Variants in SCN4B observed in about 807,000 individuals in gnomAD.
SCN4B encodes the protein sodium channel regulatory subunit beta-4.
A neutral mutation model predicts 19.6 loss-of-function variants in SCN4B; 20 were observed. That is an observed-to-expected ratio of 1.02 (90% CI 0.72 to 1.48). The LOEUF (loss-of-function observed/expected upper bound fraction) is 1.48, where lower values mean the gene tolerates loss of function less well. Ranked by LOEUF, SCN4B falls within the 40% of genes most tolerant of loss-of-function variation. The pLI is 0.00. For missense variants in SCN4B, 271 were observed against 287.5 expected, an observed-to-expected ratio of 0.94 and a Z score of 0.42; for synonymous variants, 127 against 122.8, an observed-to-expected ratio of 1.03 and a Z score of -0.22.
Position 118,135,800 on chromosome 11 carries a change from C to T in SCN4B, c.*1227G>A. On this transcript the variant is annotated 3_prime_UTR_variant, in exon 5 of 5. Transcript: ENST00000324727. The stretch of plus-strand genomic sequence containing the variant: ...TCAGGACTAAGGCACATTCTAGCCC[C>T]ACACACAAGGGCTGTGCAAACCAGC... The T allele has an allele frequency of 2.2e-6, 1 of 454,512 alleles. No homozygotes were observed. Among genetic ancestry groups the T allele is most frequent in the South Asian group, 1.6e-5 (1 of 64,480 alleles). The allele number at this position is 454,512 out of a possible 1,614,324, so 28.2% of individuals were successfully genotyped here.
chr11:118,137,398 C>T (rs570565364), intron 4 of SCN4B, among the ~76,000 whole-genome samples: 1 of 152,276 alleles, frequency 6.6e-6, no homozygotes, highest in Admixed American at 6.5e-5. Context: ...TGGCCAGGTG[C>T]GGTGGCTCAC....
intron 4 of SCN4B, among the ~76,000 whole-genome samples, chr11:118,138,962 C>G (rs922542906): frequency 6.6e-6 from 1 of 152,136 alleles, no homozygotes; most frequent in African/African-American, 2.4e-5. Flanking sequence ...AAGGACCTCC[C>G]TCAGGCTTCC....
Position 118,135,622 on chromosome 11 carries a change from C to G in SCN4B, c.*1405G>C. On this transcript the variant is annotated 3_prime_UTR_variant, in exon 5 of 5. Coordinates refer to ENST00000324727, the MANE Select transcript of SCN4B (RefSeq NM_174934.4). ...CCCAATGGGAGCACCTGGCCGACAT[C>G]TCCAAGATTCAGTCACTGGCCAATT... 1 of 454,258 alleles carries G rather than the reference C, an allele frequency of 2.2e-6. No homozygotes were observed. Among genetic ancestry groups the G allele is most frequent in the Non-Finnish European group, 4.4e-6 (1 of 226,796 alleles). 28.1% of individuals were successfully genotyped at this position (454,258 alleles called of 1,614,324 possible).
At position 118,136,095 on chromosome 11, in the gene SCN4B, GGGA is replaced by G. The variant is rs780800329; in HGVS notation, c.*929_*931del. The G allele has an allele frequency of 2.2e-6, 1 of 449,572 alleles. No individual in the cohort carries two copies. The highest frequency in any genetic ancestry group is 2.4e-5 in the Admixed American group (1 of 42,362). The allele number at this position is 449,572 out of a possible 1,614,324, so 27.8% of individuals were successfully genotyped here. ...AGGGTGCAGCCTCTCAGGTAGGAGG[GGGA>G]GAAGCAGGGGAGAGCTGGGCTCAGG... On this transcript the variant is annotated 3_prime_UTR_variant, in exon 5 of 5. Coordinates refer to ENST00000324727, the MANE Select transcript of SCN4B (RefSeq NM_174934.4).
In SCN4B at chr11:118,136,868, G is replaced by A. The variant is rs1948017633; in HGVS notation, c.*159C>T. ...GGGAGCCCTGACTGGGAAGGGGATG[G>A]GCAGGCTGGGCAGGACTCTGGTTTC... On this transcript the variant is annotated 3_prime_UTR_variant, in exon 5 of 5. Transcript: ENST00000324727. 1.4e-6 allele frequency: 1 copy of A among 696,628 alleles called. No individual in the cohort carries two copies. Among genetic ancestry groups the A allele is most frequent in the Non-Finnish European group, 2.6e-6 (1 of 380,710 alleles). 43.2% of individuals were successfully genotyped at this position (696,628 alleles called of 1,614,324 possible).
At position 118,136,288 on chromosome 11, in the gene SCN4B, C is replaced by A. The variant is rs1405001954; in HGVS notation, c.*739G>T. The A allele has an allele frequency of 2.0e-5, 9 of 453,734 alleles. No homozygotes were observed. Among genetic ancestry groups the A allele is most frequent in the Non-Finnish European group, 4.0e-5 (9 of 226,696 alleles). The allele number at this position is 453,734 out of a possible 1,614,324, so 28.1% of individuals were successfully genotyped here. A position where few individuals can be genotyped will look rare whatever the true frequency, so the allele number is the denominator to read the frequency against. ...AGGCATAGGGAGCACTCGGGTACTC[C>A]AGGAAGGCTCGAGGGGCCCCTTCCT... On this transcript the variant is annotated 3_prime_UTR_variant, in exon 5 of 5. Coordinates refer to ENST00000324727, the MANE Select transcript of SCN4B (RefSeq NM_174934.4).
Position 118,143,987 on chromosome 11 carries a change from C to A in SCN4B, c.309G>T (p.Leu103=). The change falls in exon 3 of 5, where the codon CTG becomes CTT. Residue 103 remains leucine (L), a synonymous_variant. Coordinates refer to ENST00000324727, the MANE Select transcript of SCN4B (RefSeq NM_174934.4). The part of the protein sequence containing the change: ...VTLKDDDRIT[L]VGSTKEKMNN... Reference sequence around the variant, plus strand: ...TCATCTTCTCCTTAGTAGAGCCTACCAGAGTGATGCGGTCATCGTCTTTCA... The same window carrying A: ...TCATCTTCTCCTTAGTAGAGCCTACAAGAGTGATGCGGTCATCGTCTTTCA... The A allele has an allele frequency of 6.2e-7, 1 of 1,614,166 alleles. No individual in the cohort carries two copies. Among genetic ancestry groups the A allele is most frequent in the Admixed American group, 1.7e-5 (1 of 60,024 alleles).
rs377730779 is a variant in SCN4B at position 118,141,280 on chromosome 11, T to A, written c.520A>T (p.Ile174Phe). 3 of 1,612,622 alleles carry A rather than the reference T, an allele frequency of 1.9e-6. No individual in the cohort carries two copies. Among genetic ancestry groups the A allele is most frequent in the Non-Finnish European group, 2.5e-6 (3 of 1,180,002 alleles). Residue 174 changes from isoleucine (I) to phenylalanine (F), a missense_variant, in exon 4 of 5, where the codon ATC (isoleucine) becomes TTC (phenylalanine). Physicochemically the swap from Ile to Phe is conservative, Grantham distance 21. Coordinates refer to ENST00000324727, the MANE Select transcript of SCN4B (RefSeq NM_174934.4). Reference sequence around the variant, plus strand: ...AGCAGGATGAGGATGAGGAGCCCGATGACCCCGCCCACGACAGCCAGGATG... The same window carrying A: ...AGCAGGATGAGGATGAGGAGCCCGAAGACCCCGCCCACGACAGCCAGGATG... ...LIILAVVGGVIGLLILILLIK... is the reference protein window; with the variant it reads ...LIILAVVGGVFGLLILILLIK...
intron 3 of SCN4B, chr11:118,141,835 T>C (rs944442092): frequency 2.1e-5 from 4 of 190,668 alleles, no homozygotes; most frequent in Non-Finnish European, 4.4e-5. Context: ...GGGCAGGTCA[T>C]TGAACCCTCC....
chr11:118,137,161 C>G (rs369825981), intron 4 of SCN4B, 41 bp from the exon 5 acceptor site: 1 of 1,438,276 alleles, frequency 7.0e-7, no homozygotes. Context: ...AGGAGAGGAG[C>G]AAGAGTAGGG....
At position 118,133,975 on chromosome 11, in the gene SCN4B, T is replaced by C. The variant is rs765726311; in HGVS notation, c.*3052A>G. ...CCCCTTACATGCAGAGCCCATCCAC[T>C]CCACAGTTACGCTGCCATGCACCCA... On this transcript the variant is annotated 3_prime_UTR_variant, in exon 5 of 5. Transcript: ENST00000324727. 1 of 454,524 alleles carries C rather than the reference T, an allele frequency of 2.2e-6. No homozygotes were observed. The allele number at this position is 454,524 out of a possible 1,614,324, so 28.2% of individuals were successfully genotyped here. A position where few individuals can be genotyped will look rare whatever the true frequency, so the allele number is the denominator to read the frequency against.
At chr11:118,145,318 C>A in intron 1 of SCN4B, 89 bp from the exon 2 acceptor site, 1 of 1,588,192 alleles carries the variant, frequency 6.3e-7, no homozygotes, top group Non-Finnish European at 8.5e-7. Flanking sequence ...GTAGCTTGGC[C>A]AGGCAGGTAG....
At chr11:118,141,867 A>G (rs1021945465) in intron 3 of SCN4B, 1 of 162,752 alleles carries the variant, frequency 6.1e-6, no homozygotes, top group Admixed American at 5.8e-5. Flanking sequence ...TCTTCATCTG[A>G]AAACTGAACT....
intron 1 of SCN4B, among the ~76,000 whole-genome samples, chr11:118,147,049 C>A (rs1053709098): frequency 4.6e-5 from 7 of 152,216 alleles, no homozygotes; most frequent in African/African-American, 9.7e-5. Flanking sequence ...TCCGCCCAGC[C>A]CCTGGAGTTC....
In SCN4B at chr11:118,148,563, C is replaced by A. The variant is rs1948205968; in HGVS notation, c.62-3334G>T. 6.6e-6 allele frequency among the ~76,000 whole-genome samples: 1 copy of A among 152,248 alleles called. No individual in the cohort carries two copies. The highest frequency in any genetic ancestry group is 1.5e-5 in the Non-Finnish European group (1 of 68,038). Reference sequence around the variant, plus strand: ...GGGCAGGGATGCCTCTTTCCTACTTCTCAAGCTTGGTGTGAAGCCAGAACA... The same window carrying A: ...GGGCAGGGATGCCTCTTTCCTACTTATCAAGCTTGGTGTGAAGCCAGAACA... On this transcript the variant is annotated intron_variant, in intron 1 of 4. Coordinates refer to ENST00000324727, the MANE Select transcript of SCN4B (RefSeq NM_174934.4). The surrounding 1 kb of genome is among the most constrained non-coding windows in gnomAD (Gnocchi z 4.0).
Position 118,137,166 on chromosome 11 carries a change from G to A in SCN4B, c.594-46C>T, listed in dbSNP as rs1300104992. On this transcript the variant is annotated intron_variant, in intron 4 of 4. Transcript: ENST00000324727. ...GACAGTGGTGAGGAGAGGAGCAAGAGTAGGGGGAGAATTGTGGCAGGAGCC... is the reference window on the plus strand; with the variant it reads ...GACAGTGGTGAGGAGAGGAGCAAGAATAGGGGGAGAATTGTGGCAGGAGCC... 9 of 1,408,036 alleles carry A rather than the reference G, an allele frequency of 6.4e-6. No homozygotes were observed. In the South Asian group the frequency reaches 1.0e-4, roughly 16 times the overall value. The allele number at this position is 1,408,036 out of a possible 1,614,324, so 87.2% of individuals were successfully genotyped here.
Position 118,135,899 on chromosome 11 carries a change from C to T in SCN4B, c.*1128G>A, listed in dbSNP as rs1947988674. The T allele has an allele frequency of 2.2e-6, 1 of 454,282 alleles. No individual in the cohort carries two copies. Among genetic ancestry groups the T allele is most frequent in the Non-Finnish European group, 4.4e-6 (1 of 226,730 alleles). 28.1% of individuals were successfully genotyped at this position (454,282 alleles called of 1,614,324 possible). On this transcript the variant is annotated 3_prime_UTR_variant, in exon 5 of 5. Transcript: ENST00000324727. ...CCAACCCCAGGGTGGGAGGGGGTGG[C>T]CCAGCTGAGCAGGAAGCAGCTGGGA...
intron 1 of SCN4B, 41 bp downstream of exon 1, chr11:118,152,572 G>A (rs772454212): frequency 2.6e-6 from 4 of 1,521,568 alleles, no homozygotes; most frequent in Non-Finnish European, 3.6e-6. Flanking sequence ...CTTTGGGGGT[G>A]GGGGGAGGCA....
intron 1 of SCN4B, among the ~76,000 whole-genome samples, chr11:118,146,673 T>C (rs1243566010): frequency 6.6e-6 from 1 of 152,162 alleles, no homozygotes; most frequent in Non-Finnish European, 1.5e-5. Flanking sequence ...AGCCCTAAAA[T>C]CACACCCCGT....
Sources: gnomAD v4.1 joint callset for allele counts (sites outside exome capture counted in the v4.1 genomes callset) on GRCh38, gnomAD v4.1.1 for gene constraint, Gnocchi (gnomAD v3.1) non-coding constraint, MANE v1.5 for transcripts, NCBI Gene and HGNC (gene_info 2026-07-23, HGNC 2026-07-21) for gene names.